DYNC2H1: variants seen among roughly 807,000 people sequenced by gnomAD.
The protein encoded by DYNC2H1 is dynein cytoplasmic 2 heavy chain 1.
In DYNC2H1, 410 loss-of-function variants were observed where a neutral mutation model predicts 570.0. The observed-to-expected ratio is 0.72, with a 90% CI of 0.66 to 0.78. The LOEUF (loss-of-function observed/expected upper bound fraction) is 0.78. DYNC2H1 is among the 30% of genes least tolerant of loss of function. The probability of loss-of-function intolerance (pLI) is 0.00; values close to 1 mark genes in which losing one functional copy is unlikely to be tolerated. For synonymous variants in DYNC2H1, 1,688 were observed against 1,677.6 expected (o/e 1.01, Z -0.15); for missense variants, 4,865 against 5,046.4 (o/e 0.96, Z 1.09).
At chr11:103,176,502 T>C in intron 37 of DYNC2H1, 68 bp downstream of exon 37, 1 of 1,203,022 alleles carries the variant, frequency 8.3e-7, no homozygotes, top group Non-Finnish European at 1.1e-6. Context: ...TAACTATCCT[T>C]GTCCTTCATC....
At chr11:103,313,711 G>A (rs1374781813) in intron 79 of DYNC2H1, among the ~76,000 whole-genome samples, 2 of 151,832 alleles carry the variant, frequency 1.3e-5, no homozygotes, top group Non-Finnish European at 2.9e-5. Context: ...TACCTTTATT[G>A]TGGGCATCAA....
intron 75 of DYNC2H1, among the ~76,000 whole-genome samples, chr11:103,301,262 A>G (rs980788957): frequency 1.3e-5 from 2 of 151,960 alleles, no homozygotes; most frequent in Admixed American, 6.6e-5. Context: ...GTTTTTAGCT[A>G]ATATCAACAG....
At chr11:103,222,009 G>A (rs750480466) in intron 57 of DYNC2H1, 21 bp from the exon 58 acceptor site, 1 of 1,598,588 alleles carries the variant, frequency 6.3e-7, no homozygotes, top group Non-Finnish European at 8.5e-7. Flanking sequence ...CCTCATTTAA[G>A]GAAATATGCT....
At chr11:103,450,672 T>C (rs1490514632) in intron 85 of DYNC2H1, among the ~76,000 whole-genome samples, 2 of 152,212 alleles carry the variant, frequency 1.3e-5, no homozygotes, top group Non-Finnish European at 2.9e-5. Flanking sequence ...AATGTGGACA[T>C]GGCACATTGA....
At chr11:103,278,287 A>G (rs1865988795) in intron 70 of DYNC2H1, among the ~76,000 whole-genome samples, 1 of 152,190 alleles carries the variant, frequency 6.6e-6, no homozygotes, top group Admixed American at 6.5e-5. Flanking sequence ...GATCTGTTTT[A>G]TTCATTATTA....
chr11:103,436,122 T>C lies in DYNC2H1; in HGVS notation c.12456+90T>C. On this transcript the variant is annotated intron_variant, in intron 85 of 88. Transcript: ENST00000375735. ...CATTGTGCTAATCACTAGTGAGAAT[T>C]ACACTATGATTTTGCACATAAAACA... 2.8e-6 allele frequency: 3 copies of C among 1,071,270 alleles called. No homozygotes were observed. The East Asian group carries it at 7.7e-5, about 27-fold the overall frequency. 66.4% of individuals were successfully genotyped at this position (1,071,270 alleles called of 1,614,324 possible).
chr11:103,392,968 C>G (rs983512275), intron 83 of DYNC2H1, among the ~76,000 whole-genome samples: 3 of 152,014 alleles, frequency 2.0e-5, no homozygotes, highest in Non-Finnish European at 2.9e-5. Context: ...ACTGCAACCT[C>G]CGCCTCCCAG....
chr11:103,185,065 A>G lies in DYNC2H1; in HGVS notation c.6633+14A>G, dbSNP rs1456837439. On this transcript the variant is annotated intron_variant, in intron 41 of 88. Transcript: ENST00000375735. This position sits in a 1 kb window ranked among gnomAD's most constrained non-coding sequence, Gnocchi z 4.5. ...TTTACCAAAGAGGTAATGCATATTT[A>G]TAGCCTATATTTAGTCAAAACTTTA... 5 of 1,606,150 alleles carry G rather than the reference A, an allele frequency of 3.1e-6. No homozygotes were observed. In the African/African-American group the frequency reaches 4.0e-5, roughly 13 times the overall value.
chr11:103,306,897 T>C (rs1304892093), intron 77 of DYNC2H1, among the ~76,000 whole-genome samples: 3 of 152,152 alleles, frequency 2.0e-5, no homozygotes. Context: ...TCTGGGAACT[T>C]AATTTAGAAG....
chr11:103,138,674 C>G (rs1252699933), intron 17 of DYNC2H1, among the ~76,000 whole-genome samples: 1 of 152,136 alleles, frequency 6.6e-6, no homozygotes, highest in Non-Finnish European at 1.5e-5. Flanking sequence ...CTGAAATTCT[C>G]TTTTTTGGTT....
intron 54 of DYNC2H1, among the ~76,000 whole-genome samples, chr11:103,214,161 T>C (rs1300336930): frequency 6.6e-6 from 1 of 152,204 alleles, no homozygotes; most frequent in African/African-American, 2.4e-5. Context: ...GGTTCTTTAT[T>C]CTGTTCCATT....
chr11:103,384,221 G>A (rs1232222639), intron 83 of DYNC2H1, among the ~76,000 whole-genome samples: 1 of 152,036 alleles, frequency 6.6e-6, no homozygotes, highest in Non-Finnish European at 1.5e-5. Flanking sequence ...ATTTATACAG[G>A]TTCAGAATGT....
At chr11:103,356,341 G>A (rs1248769764) in intron 82 of DYNC2H1, among the ~76,000 whole-genome samples, 2 of 151,904 alleles carry the variant, frequency 1.3e-5, no homozygotes, top group Non-Finnish European at 2.9e-5. Flanking sequence ...TCTTATTACT[G>A]CCTGTTCTTT....
Position 103,228,819 on chromosome 11 carries a change from TG to T in DYNC2H1, c.9354-2439del, listed in dbSNP as rs1163826689. Among the ~76,000 whole-genome samples the T allele has an allele frequency of 6.6e-6, 1 of 152,086 alleles. No homozygotes were observed. The highest frequency in any genetic ancestry group is 2.1e-4 in the South Asian group (1 of 4,830). On this transcript the variant is annotated intron_variant, in intron 59 of 88. Coordinates refer to ENST00000375735, the MANE Select transcript of DYNC2H1 (RefSeq NM_001377.3). The surrounding 1 kb of genome is among the most constrained non-coding windows in gnomAD (Gnocchi z 6.1). ...TTCAAGATATTATGACCTTTGTTTT[TG>T]GCTACCAGGGTGGGTAGAGAAAGAA...
At position 103,179,305 on chromosome 11, in the gene DYNC2H1, A is replaced by G. The variant is rs186198035; in HGVS notation, c.6347+72A>G. 6.8e-4 allele frequency: 950 copies of G among 1,397,148 alleles called. 10 individuals carry two copies. Among genetic ancestry groups the G allele is most frequent in the Middle Eastern group, 1.2e-3 (6 of 5,092 alleles). 86.5% of individuals were successfully genotyped at this position (1,397,148 alleles called of 1,614,324 possible). A position where few individuals can be genotyped will look rare whatever the true frequency, so the allele number is the denominator to read the frequency against. On this transcript the variant is annotated intron_variant, in intron 39 of 88. Coordinates refer to ENST00000375735, the MANE Select transcript of DYNC2H1 (RefSeq NM_001377.3). ...CTGTCCTGGTTTCATATTAAGTAAAATAAGTGTAGTGTGAATAATGAATAC... is the reference window on the plus strand; with the variant it reads ...CTGTCCTGGTTTCATATTAAGTAAAGTAAGTGTAGTGTGAATAATGAATAC...
At position 103,261,467 on chromosome 11, in the gene DYNC2H1, G is replaced by A. The variant is rs1005270445; in HGVS notation, c.10695+1490G>A. ...GAGCACTGCAGCTGGCATCTGGTGCGTGCCCCTCTAGGACGAAGCTTCCAG... is the reference window on the plus strand; with the variant it reads ...GAGCACTGCAGCTGGCATCTGGTGCATGCCCCTCTAGGACGAAGCTTCCAG... On this transcript the variant is annotated intron_variant, in intron 70 of 88. Coordinates refer to ENST00000375735, the MANE Select transcript of DYNC2H1 (RefSeq NM_001377.3). This position sits in a 1 kb window ranked among gnomAD's most constrained non-coding sequence, Gnocchi z 4.8. Among the ~76,000 whole-genome samples, 7 of 152,048 alleles carry A rather than the reference G, an allele frequency of 4.6e-5. No homozygotes were observed. Among genetic ancestry groups the A allele is most frequent in the Admixed American group, 2.0e-4 (3 of 15,284 alleles).
chr11:103,374,837 C>T lies in DYNC2H1; in HGVS notation c.12156+16478C>T, dbSNP rs192371398. 5.3e-5 allele frequency among the ~76,000 whole-genome samples: 8 copies of T among 152,198 alleles called. No homozygotes were observed. In the East Asian group the frequency reaches 1.2e-3, roughly 22 times the overall value. On this transcript the variant is annotated intron_variant, in intron 83 of 88. Transcript: ENST00000375735. ...AAAGTTTGGAACATTTGCAGTCTGACGATGCAGTAGAAAACAAAAACCCAT... is the reference window on the plus strand; with the variant it reads ...AAAGTTTGGAACATTTGCAGTCTGATGATGCAGTAGAAAACAAAAACCCAT...
At position 103,334,349 on chromosome 11, in the gene DYNC2H1, G is replaced by T. The variant is rs1370738517; in HGVS notation, c.12039+10359G>T. On this transcript the variant is annotated intron_variant, in intron 82 of 88. Transcript: ENST00000375735. This position sits in a 1 kb window ranked among gnomAD's most constrained non-coding sequence, Gnocchi z 4.3. Reference sequence around the variant, plus strand: ...TTTAGGTATTTCTGGCACGGATAGGGTAGAACAGAATTTGGCTACAAGGAA... The same window carrying T: ...TTTAGGTATTTCTGGCACGGATAGGTTAGAACAGAATTTGGCTACAAGGAA... Among the ~76,000 whole-genome samples, 4 of 152,108 alleles carry T rather than the reference G, an allele frequency of 2.6e-5. No homozygotes were observed. The highest frequency in any genetic ancestry group is 4.8e-5 in the African/African-American group (2 of 41,446).
chr11:103,415,293 A>G (rs1943242929), intron 84 of DYNC2H1, among the ~76,000 whole-genome samples: 1 of 152,220 alleles, frequency 6.6e-6, no homozygotes, highest in Non-Finnish European at 1.5e-5. Flanking sequence ...AAGCAATGGC[A>G]TGCAACAAAA....
Sources: gnomAD v4.1 joint callset for allele counts (sites outside exome capture counted in the v4.1 genomes callset) on GRCh38, gnomAD v4.1.1 for gene constraint, Gnocchi (gnomAD v3.1) non-coding constraint, MANE v1.5 for transcripts, NCBI Gene and HGNC (gene_info 2026-07-23, HGNC 2026-07-21) for gene names.